ESPNL: variants seen among roughly 807,000 people sequenced by gnomAD.
The protein encoded by ESPNL is espin like, also known as espin-like protein.
Under a neutral mutation model 46.8 loss-of-function variants are expected in ESPNL, and 49 were observed. The observed-to-expected ratio is 1.05, with a 90% CI of 0.83 to 1.33. ESPNL has a LOEUF of 1.33. Ranked by LOEUF, ESPNL falls within the 40% of genes most tolerant of loss-of-function variation. ESPNL has a pLI of 0.00. For missense variants in ESPNL, 1,540 were observed against 1,436.6 expected (o/e 1.07, Z -1.16); for synonymous variants, 664 against 662.1 (o/e 1.00, Z -0.04).
chr2:238,106,430 G>A (rs1181739184), intron 3 of ESPNL, among the ~76,000 whole-genome samples: 4 of 152,306 alleles, frequency 2.6e-5, no homozygotes, highest in Admixed American at 6.5e-5. Flanking sequence ...CCCCAAGGCC[G>A]CCTGAATTGG....
chr2:238,111,858 C>G (rs943704342), intron 4 of ESPNL, among the ~76,000 whole-genome samples: 1 of 152,150 alleles, frequency 6.6e-6, no homozygotes, highest in African/African-American at 2.4e-5. Flanking sequence ...ACCTTTCATT[C>G]CTGGAATAAA....
chr2:238,128,227 C>G (rs914292750), intron 7 of ESPNL, among the ~76,000 whole-genome samples: 1 of 152,338 alleles, frequency 6.6e-6, no homozygotes, highest in Admixed American at 6.5e-5. Flanking sequence ...GATTCTCAAC[C>G]ATTGAGGTGT....
rs550104568 is a variant in ESPNL, at chr2:238,122,076, G to A, written c.988-3194G>A. Among the ~76,000 whole-genome samples the A allele has an allele frequency of 2.6e-5, 4 of 152,264 alleles. 1 individual carries two copies. Among genetic ancestry groups the A allele is most frequent in the Admixed American group, 2.6e-4 (4 of 15,288 alleles). Reference sequence around the variant, plus strand: ...TGCTCAAATCTCACCAAAAACCAGGGACAGCGACAGCGGTCGGGGCCGTGG... The same window carrying A: ...TGCTCAAATCTCACCAAAAACCAGGAACAGCGACAGCGGTCGGGGCCGTGG... On this transcript the variant is annotated intron_variant, in intron 5 of 8. Coordinates refer to ENST00000343063, the MANE Select transcript of ESPNL (RefSeq NM_194312.4).
At chr2:238,118,477 A>G (rs1335950309) in intron 5 of ESPNL, among the ~76,000 whole-genome samples, 4 of 106,416 alleles carry the variant, frequency 3.8e-5, no homozygotes, top group African/African-American at 1.6e-4. Flanking sequence ...GAGGAGGTGG[A>G]TGGAAAAGAG....
intron 4 of ESPNL, among the ~76,000 whole-genome samples, chr2:238,108,857 G>GATTTGCGGCTCT (rs1391532860): frequency 6.6e-6 from 1 of 152,218 alleles, no homozygotes; most frequent in Non-Finnish European, 1.5e-5. Context: ...ATCACACACG[G>GATTTGCGGCTCT]TGCAGCCGCA....
chr2:238,107,393 C>T (rs1242942985), intron 3 of ESPNL, among the ~76,000 whole-genome samples: 2 of 152,208 alleles, frequency 1.3e-5, no homozygotes, highest in African/African-American at 4.8e-5. Flanking sequence ...GTGCAAATGC[C>T]CAACGAGGCA....
In ESPNL at chr2:238,102,061, C is replaced by G; in HGVS notation, c.415C>G (p.Arg139Gly). 6.3e-7 allele frequency: 1 copy of G among 1,593,410 alleles called. No individual in the cohort carries two copies. The highest frequency in any genetic ancestry group is 1.1e-5 in the South Asian group (1 of 88,668). The change falls in exon 2 of 9, where the codon CGG (arginine) becomes GGG (glycine). Residue 139 changes from arginine to glycine, a missense_variant. Arg to Gly is a moderately radical substitution (Grantham distance 125, BLOSUM62 -2). Transcript: ENST00000343063. ...SATLETREGA[R>G]PLHHAAVSGD... ...CACGCTAGAGACCCGGGAGGGAGCC[C>G]GGCCGCTGCACCACGCTGCCGTCAG...
chr2:238,125,767 T>TTAGAGTGGAG (rs1553573702), intron 6 of ESPNL, among the ~76,000 whole-genome samples: 1 of 146,276 alleles, frequency 6.8e-6, no homozygotes, highest in East Asian at 2.0e-4. Context: ...TGTGACCAGC[T>TTAGAGTGGAG]TGGAGTGGAG....
In ESPNL at chr2:238,131,577, G is replaced by C; in HGVS notation, c.2863G>C (p.Ala955Pro). ...CCTGCTCGGGCCCCTGCCTCACGCCGCCGTCCCCTGCAGCGGCCCTGAGCC... is the reference window on the plus strand; with the variant it reads ...CCTGCTCGGGCCCCTGCCTCACGCCCCCGTCCCCTGCAGCGGCCCTGAGCC... ...LTLLGPLPHA[A>P]VPCSGPEPTA... The change falls in exon 9 of 9, where the codon GCC becomes CCC. Residue 955 changes from alanine to proline, a missense_variant. Coordinates refer to ENST00000343063, the MANE Select transcript of ESPNL (RefSeq NM_194312.4). 6.2e-7 allele frequency: 1 copy of C among 1,611,104 alleles called. No individual in the cohort carries two copies. The highest frequency in any genetic ancestry group is 8.5e-7 in the Non-Finnish European group (1 of 1,178,968).
At chr2:238,129,077 G>A in intron 8 of ESPNL, 173 bp downstream of exon 8, 7 of 1,427,614 alleles carry the variant, frequency 4.9e-6, no homozygotes, top group East Asian at 2.5e-5. Flanking sequence ...CTGACCAGAG[G>A]ACTCTGAGCA....
rs1189937745 is a variant in ESPNL at position 238,114,603 on chromosome 2, G to C, written c.856-2300G>C. Among the ~76,000 whole-genome samples, 1 of 152,166 alleles carries C rather than the reference G, an allele frequency of 6.6e-6. No homozygotes were observed. The highest frequency in any genetic ancestry group is 1.5e-5 in the Non-Finnish European group (1 of 68,038). ...CTCAGCCACACCAGCCACTGGCTCA[G>C]CCCTTCTGGGCCTCCAGGAGCCTTC... On this transcript the variant is annotated intron_variant, in intron 4 of 8. Transcript: ENST00000343063. This position sits in a 1 kb window ranked among gnomAD's most constrained non-coding sequence, Gnocchi z 5.0.
At chr2:238,101,154 T>C (rs1304824173) in intron 1 of ESPNL, among the ~76,000 whole-genome samples, 1 of 152,152 alleles carries the variant, frequency 6.6e-6, no homozygotes, top group Admixed American at 6.5e-5. Flanking sequence ...TCGTTTCTAC[T>C]GGGCCCCCCT....
chr2:238,105,437 T>G (rs1691574434), intron 3 of ESPNL, among the ~76,000 whole-genome samples: 1 of 145,688 alleles, frequency 6.9e-6, no homozygotes, highest in African/African-American at 2.6e-5. Context: ...TGCTTGAACC[T>G]GGGAGGCGGA....
chr2:238,113,472 C>A (rs1322087611), intron 4 of ESPNL, among the ~76,000 whole-genome samples: 1 of 152,138 alleles, frequency 6.6e-6, no homozygotes, highest in Non-Finnish European at 1.5e-5. Flanking sequence ...GTTCTCAGAG[C>A]TTTATTTCTA....
chr2:238,119,389 C>CGAATGT, intron 5 of ESPNL, among the ~76,000 whole-genome samples: 1 of 119,710 alleles, frequency 8.4e-6, no homozygotes, highest in African/African-American at 3.6e-5. Flanking sequence ...GAGTTGGATG[C>CGAATGT]AGGAGGTGGA....
At chr2:238,100,762 A>AC in intron 1 of ESPNL, 49 bp downstream of exon 1, 1 of 1,380,382 alleles carries the variant, frequency 7.2e-7, no homozygotes, top group Non-Finnish European at 9.3e-7. Flanking sequence ...CTGGGGTGGA[A>AC]CCAGGGAGGT....
At position 238,104,921 on chromosome 2, in the gene ESPNL, G is replaced by T. The variant is rs544438608; in HGVS notation, c.672+79G>T. 1.3e-5 allele frequency: 16 copies of T among 1,269,086 alleles called. No homozygotes were observed. The South Asian group carries it at 2.1e-4, about 17-fold the overall frequency. 78.6% of individuals were successfully genotyped at this position (1,269,086 alleles called of 1,614,324 possible). Reference sequence around the variant, plus strand: ...GCAAGCAGAGCCTGGAGCCTGGATGGGGGCTCCAGAGGGAACTGGGGACAC... The same window carrying T: ...GCAAGCAGAGCCTGGAGCCTGGATGTGGGCTCCAGAGGGAACTGGGGACAC... On this transcript the variant is annotated intron_variant, in intron 3 of 8. Coordinates refer to ENST00000343063, the MANE Select transcript of ESPNL (RefSeq NM_194312.4).
At chr2:238,112,919 C>T (rs186912675) in intron 4 of ESPNL, among the ~76,000 whole-genome samples, 2 of 152,286 alleles carry the variant, frequency 1.3e-5, no homozygotes, top group African/African-American at 2.4e-5. Context: ...TTTTTATCAA[C>T]GTTGCATATG....
chr2:238,107,861 GAGGCGGCCACACGCCCA>G lies in ESPNL; in HGVS notation c.744_760del (p.Gly249SerfsTer48), dbSNP rs1460246087. Reference sequence around the variant, plus strand: ...GCCACGGCCCTGCACTTTGCAGCCCGAGGCGGCCACACGCCCATTCTAGACCGACTCCTGCTCATGGG... The same window carrying G: ...GCCACGGCCCTGCACTTTGCAGCCCGTTCTAGACCGACTCCTGCTCATGGG... On this transcript the variant is annotated frameshift_variant, in exon 4 of 9. Coordinates refer to ENST00000343063, the MANE Select transcript of ESPNL (RefSeq NM_194312.4). LOFTEE classifies it high-confidence loss of function. The G allele has an allele frequency of 2.5e-6, 4 of 1,610,912 alleles. No homozygotes were observed. In the African/African-American group the frequency reaches 5.3e-5, roughly 22 times the overall value.
Sources: gnomAD v4.1 joint callset for allele counts (sites outside exome capture counted in the v4.1 genomes callset) on GRCh38, gnomAD v4.1.1 for gene constraint, Gnocchi (gnomAD v3.1) non-coding constraint, MANE v1.5 for transcripts, NCBI Gene and HGNC (gene_info 2026-07-23, HGNC 2026-07-21) for gene names.